Variants in TRAP1 observed in about 807,000 individuals in gnomAD.
TRAP1 encodes the protein TNF receptor associated protein 1.
In TRAP1, 102 loss-of-function variants were observed where a neutral mutation model predicts 89.1. The observed-to-expected ratio is 1.15, with a 90% CI of 0.98 to 1.35. TRAP1 has a LOEUF of 1.35. Ranked by LOEUF, TRAP1 falls within the 40% of genes most tolerant of loss-of-function variation. The pLI, the probability that TRAP1 is intolerant of heterozygous loss-of-function variation, is 0.00. For missense variants in TRAP1, 1,256 were observed against 945.3 expected, an observed-to-expected ratio of 1.33 and a Z score of -4.31; for synonymous variants, 508 against 388.0, an observed-to-expected ratio of 1.31 and a Z score of -3.64.
chr16:3,683,536 C>A (rs1441129221), intron 4 of TRAP1, among the ~76,000 whole-genome samples: 1 of 151,812 alleles, frequency 6.6e-6, no homozygotes, highest in Non-Finnish European at 1.5e-5. Flanking sequence ...CAGGTGCACA[C>A]CACCACATCT....
chr16:3,662,569 T>TA, intron 15 of TRAP1: 1 of 589,630 alleles, frequency 1.7e-6, no homozygotes, highest in South Asian at 1.6e-5. Flanking sequence ...TCCTGAGGGC[T>TA]GGGGTAGCAT....
In TRAP1 at chr16:3,674,478, T is replaced by C; in HGVS notation, c.905A>G (p.Asp302Gly). The change falls in exon 9 of 18, where the codon GAC (aspartate) becomes GGC (glycine). Residue 302 changes from aspartate (D) to glycine (G), a missense_variant. By Grantham distance (94) the Asp-to-Gly change is moderately conservative (BLOSUM62 -1). Coordinates refer to ENST00000246957, the MANE Select transcript of TRAP1 (RefSeq NM_016292.3). ...TTGCCACTCACGGACATCCTTGGGG[T>C]CCATCATCCAGATGGCCTGGAAACG... is the stretch of plus-strand genomic sequence containing the variant. ...MNTLQAIWMMDPKDVREWQHE... is the reference protein window; with the variant it reads ...MNTLQAIWMMGPKDVREWQHE... 3 of 1,613,788 alleles carry C rather than the reference T, an allele frequency of 1.9e-6. No individual in the cohort carries two copies. The highest frequency in any genetic ancestry group is 2.5e-6 in the Non-Finnish European group (3 of 1,179,958).
chr16:3,715,838 C>T (rs2051591330), intron 1 of TRAP1, among the ~76,000 whole-genome samples: 4 of 152,096 alleles, frequency 2.6e-5, no homozygotes, highest in African/African-American at 9.7e-5. Flanking sequence ...AAGAGAGCAA[C>T]AGCATCACTT....
chr16:3,675,191 G>T, intron 8 of TRAP1, 133 bp downstream of exon 8: 1 of 786,772 alleles, frequency 1.3e-6, no homozygotes, highest in Non-Finnish European at 2.0e-6. Flanking sequence ...CCCACACCCA[G>T]GTCTCATCTC....
chr16:3,682,475 C>A (rs1025814918), intron 4 of TRAP1, among the ~76,000 whole-genome samples: 4 of 152,020 alleles, frequency 2.6e-5, no homozygotes, highest in African/African-American at 4.8e-5. Context: ...CTGCACCTTC[C>A]GCCTCCCGAG....
In TRAP1 at chr16:3,661,953, C is replaced by A. The variant is rs374707079; in HGVS notation, c.1940+34G>T. ...ACCACACACAGGATTCTGGGGAATC[C>A]CACAGGCTGGAAGAGCCAGGAGCGT... On this transcript the variant is annotated intron_variant, in intron 16 of 17. Transcript: ENST00000246957. The A allele has an allele frequency of 7.7e-5, 120 of 1,562,064 alleles. No individual in the cohort carries two copies. The African/African-American group carries it at 1.5e-3, about 20-fold the overall frequency.
chr16:3,691,807 C>G (rs539585042), intron 1 of TRAP1, among the ~76,000 whole-genome samples: 3 of 152,260 alleles, frequency 2.0e-5, no homozygotes, highest in Admixed American at 6.5e-5. Flanking sequence ...ACTTTAAAAA[C>G]TGAAAAACAG....
intron 11 of TRAP1, among the ~76,000 whole-genome samples, chr16:3,667,665 T>A (rs758714059): frequency 6.6e-6 from 1 of 150,964 alleles, no homozygotes; most frequent in African/African-American, 2.4e-5. Context: ...ATAAAAAAAT[T>A]TTATTAATGA....
At chr16:3,709,360 C>A (rs1419396415) in intron 1 of TRAP1, among the ~76,000 whole-genome samples, 1 of 152,080 alleles carries the variant, frequency 6.6e-6, no homozygotes, top group African/African-American at 2.4e-5. Flanking sequence ...AGGAAATGCA[C>A]TTTAAAACGA....
At chr16:3,712,503 C>T (rs2051546015) in intron 1 of TRAP1, among the ~76,000 whole-genome samples, 1 of 152,070 alleles carries the variant, frequency 6.6e-6, no homozygotes, top group Admixed American at 6.6e-5. Context: ...TCCCTCTCTT[C>T]CTGCCAAGGG....
At chr16:3,695,297 T>G (rs1663389651) in intron 1 of TRAP1, among the ~76,000 whole-genome samples, 1 of 152,040 alleles carries the variant, frequency 6.6e-6, no homozygotes, top group South Asian at 2.1e-4. Flanking sequence ...CTGGCAGAGC[T>G]GAGGGAACAT....
rs2050932455 is a variant in TRAP1, at chr16:3,672,784, A to G, written c.1081T>C (p.Ser361Pro). ...SMFDVSRELG[S>P]SVALYSRKVL... is the part of the protein sequence containing the mutation. ...TTGCGGCTGTACAGTGCAACGCTGG[A>G]GCCCAGCTCCCGGCTCACATCAAAC... Residue 361 changes from serine (S) to proline (P), a missense_variant, in exon 10 of 18, where the codon TCC (serine) becomes CCC (proline). Ser to Pro is a moderately conservative substitution (Grantham distance 74). Coordinates refer to ENST00000246957, the MANE Select transcript of TRAP1 (RefSeq NM_016292.3). 6.2e-7 allele frequency: 1 copy of G among 1,612,920 alleles called. No individual in the cohort carries two copies. Among genetic ancestry groups the G allele is most frequent in the Non-Finnish European group, 8.5e-7 (1 of 1,179,660 alleles).
chr16:3,700,031 T>A (rs2051344514), intron 1 of TRAP1, among the ~76,000 whole-genome samples: 1 of 151,984 alleles, frequency 6.6e-6, no homozygotes, highest in African/African-American at 2.4e-5. Flanking sequence ...TTCCCACTGT[T>A]AATTTTTTGG....
intron 12 of TRAP1, chr16:3,664,817 C>A (rs891857446): frequency 2.2e-5 from 5 of 226,178 alleles, no homozygotes; most frequent in Non-Finnish European, 4.3e-5. Context: ...GGTGGGCACA[C>A]GGACACGGGT....
At position 3,679,952 on chromosome 16, in the gene TRAP1, G is replaced by C. The variant is rs891606274; in HGVS notation, c.472-162C>G. 9.2e-6 allele frequency: 6 copies of C among 655,412 alleles called. No homozygotes were observed. In the African/African-American group the frequency reaches 1.1e-4, roughly 12 times the overall value. 40.6% of individuals were successfully genotyped at this position (655,412 alleles called of 1,614,324 possible). On this transcript the variant is annotated intron_variant, in intron 4 of 17. Coordinates refer to ENST00000246957, the MANE Select transcript of TRAP1 (RefSeq NM_016292.3). Reference sequence around the variant, plus strand: ...TCAGAAAAGACTAATTCTAGGGGCCGGGAGTGATGGTTCATGCCTGTAATC... The same window carrying C: ...TCAGAAAAGACTAATTCTAGGGGCCCGGAGTGATGGTTCATGCCTGTAATC...
At chr16:3,659,032 AGAAAAC>A (rs1342773708) in intron 16 of TRAP1, 167 bp from the exon 17 acceptor site, 2 of 666,330 alleles carry the variant, frequency 3.0e-6, no homozygotes, top group Non-Finnish European at 5.0e-6. Context: ...TTATATACCC[AGAAAAC>A]CCAAGAGAAT....
Position 3,663,874 on chromosome 16 carries a change from C to A in TRAP1, c.1570-312G>T, listed in dbSNP as rs536942957. 6 of 378,918 alleles carry A rather than the reference C, an allele frequency of 1.6e-5. No individual in the cohort carries two copies. The East Asian group carries it at 2.6e-4, about 16-fold the overall frequency. The allele number at this position is 378,918 out of a possible 1,614,324, so 23.5% of individuals were successfully genotyped here. A position where few individuals can be genotyped will look rare whatever the true frequency, so the allele number is the denominator to read the frequency against. On this transcript the variant is annotated intron_variant, in intron 13 of 17. Coordinates refer to ENST00000246957, the MANE Select transcript of TRAP1 (RefSeq NM_016292.3). The stretch of plus-strand genomic sequence containing the variant: ...AGATCATGAGGTCAGGAGTTCGAGA[C>A]CAACATGGTGAAATGCCGTCTCTAT...
chr16:3,714,793 A>G (rs887781066), intron 1 of TRAP1, among the ~76,000 whole-genome samples: 1 of 152,218 alleles, frequency 6.6e-6, no homozygotes, highest in Admixed American at 6.5e-5. Context: ...AGGATTCCAC[A>G]GACATAAGAC....
chr16:3,707,969 G>C (rs150401470), intron 1 of TRAP1, among the ~76,000 whole-genome samples: 47 of 152,182 alleles, frequency 3.1e-4, no homozygotes, highest in African/African-American at 1.1e-3. Flanking sequence ...AGGATCACTT[G>C]AGACCAGGAG....
Sources: gnomAD v4.1 joint callset for allele counts (sites outside exome capture counted in the v4.1 genomes callset) on GRCh38, gnomAD v4.1.1 for gene constraint, MANE v1.5 for transcripts, NCBI Gene and HGNC (gene_info 2026-07-23, HGNC 2026-07-21) for gene names.